Variants in DHX57 observed in about 807,000 individuals in gnomAD.
The protein encoded by DHX57 is DExH-box helicase 57.
In DHX57, 105 loss-of-function variants were observed where a neutral mutation model predicts 156.2. That is an observed-to-expected ratio of 0.67 (90% CI 0.57 to 0.79). The LOEUF is 0.79. DHX57 is among the 30% of genes least tolerant of loss of function. The pLI is 0.00. For synonymous variants in DHX57, 704 were observed against 595.6 expected (o/e 1.18, Z -2.65); for missense variants, 1,847 against 1,661.9 (o/e 1.11, Z -1.94).
rs187431138 is a variant in DHX57, at chr2:38,826,809, C to A, written c.2640-120G>T. 2.7e-5 allele frequency: 29 copies of A among 1,094,232 alleles called. No individual in the cohort carries two copies. The Admixed American group carries it at 7.3e-4, about 28-fold the overall frequency. 67.8% of individuals were successfully genotyped at this position (1,094,232 alleles called of 1,614,324 possible). On this transcript the variant is annotated intron_variant, in intron 14 of 23. Transcript: ENST00000457308. ...TCAGGTATTAGCAACTTCTCCACAA[C>A]CTGTCCTCAGAGCTCAGCTCTTCTA...
At chr2:38,827,484 T>C (rs1346341424) in intron 14 of DHX57, among the ~76,000 whole-genome samples, 1 of 1,096 alleles carries the variant, frequency 9.1e-4, no homozygotes, top group Non-Finnish European at 7.4e-3. Flanking sequence ...AGACTCTGTC[T>C]CAAAAAAAAA....
chr2:38,802,487 C>A (rs1252216724), intron 23 of DHX57, among the ~76,000 whole-genome samples: 2 of 151,978 alleles, frequency 1.3e-5, no homozygotes, highest in Non-Finnish European at 2.9e-5. Context: ...GGGGTTTGAC[C>A]ATGTTGGCCA....
chr2:38,803,123 T>C (rs1669774531), intron 22 of DHX57: 2 of 465,158 alleles, frequency 4.3e-6, no homozygotes, highest in African/African-American at 4.2e-5. Context: ...CACTTGTGTT[T>C]AAAAAAAAAA....
intron 11 of DHX57, among the ~76,000 whole-genome samples, chr2:38,845,612 T>G (rs2124885228): frequency 6.6e-6 from 1 of 152,144 alleles, no homozygotes; most frequent in South Asian, 2.1e-4. Context: ...ACAGCTGAAA[T>G]CACATGAGTC....
chr2:38,806,733 T>C (rs776288238), intron 21 of DHX57, 40 bp from the exon 22 acceptor site: 4 of 1,565,756 alleles, frequency 2.6e-6, no homozygotes, highest in African/African-American at 1.4e-5. Context: ...ATATAATATA[T>C]ATATTCTCAT....
Position 38,841,780 on chromosome 2 carries a change from T to C in DHX57, c.2425+1225A>G, listed in dbSNP as rs577473301. Among the ~76,000 whole-genome samples, 7 of 152,304 alleles carry C rather than the reference T, an allele frequency of 4.6e-5. No individual in the cohort carries two copies. In the South Asian group the frequency reaches 1.2e-3, roughly 27 times the overall value. On this transcript the variant is annotated intron_variant, in intron 12 of 23. Coordinates refer to ENST00000457308, the MANE Select transcript of DHX57 (RefSeq NM_198963.3). The stretch of plus-strand genomic sequence containing the variant: ...AAAAGTAGTGATCCTGGGGTTTCTA[T>C]GGGCTCAGTTTAGCTTATATGGATA...
intron 2 of DHX57, 149 bp from the exon 3 acceptor site, chr2:38,863,668 T>C: frequency 2.6e-6 from 2 of 774,706 alleles, no homozygotes; most frequent in Non-Finnish European, 2.0e-6. Flanking sequence ...TTCTCCATTT[T>C]CTATAGTATT....
chr2:38,850,797 G>T (rs1432515714), intron 9 of DHX57, among the ~76,000 whole-genome samples: 5 of 152,114 alleles, frequency 3.3e-5, no homozygotes, highest in Non-Finnish European at 5.9e-5. Flanking sequence ...TAATTCAGCT[G>T]GGTGTGGTGG....
intron 5 of DHX57, among the ~76,000 whole-genome samples, chr2:38,860,642 G>A (rs921721603): frequency 2.0e-5 from 3 of 152,158 alleles, no homozygotes; most frequent in African/African-American, 7.2e-5. Flanking sequence ...TCATTTGAAA[G>A]TAATTCAGTA....
chr2:38,875,176 G>A (rs955291483), intron 1 of DHX57, among the ~76,000 whole-genome samples: 1 of 152,200 alleles, frequency 6.6e-6, no homozygotes, highest in African/African-American at 2.4e-5. Context: ...ATAGGAATTA[G>A]GTTGTATAAT....
intron 10 of DHX57, among the ~76,000 whole-genome samples, chr2:38,847,507 T>C (rs540910846): frequency 6.6e-6 from 1 of 152,316 alleles, no homozygotes; most frequent in East Asian, 1.9e-4. Context: ...CTTTTTAGTA[T>C]TCAATTGAAG....
At chr2:38,848,448 C>G (rs1490959890) in intron 9 of DHX57, 46 bp from the exon 10 acceptor site, 1 of 1,530,552 alleles carries the variant, frequency 6.5e-7, no homozygotes. Flanking sequence ...AAATTCAACA[C>G]ATGAAAATTA....
intron 20 of DHX57, among the ~76,000 whole-genome samples, chr2:38,814,225 A>C (rs994390222): frequency 9.2e-5 from 14 of 152,242 alleles, no homozygotes; most frequent in African/African-American, 3.4e-4. Flanking sequence ...GGCGTGAGCC[A>C]CTGCGTCTGG....
Position 38,832,701 on chromosome 2 carries a change from A to G in DHX57, c.2543-4265T>C, listed in dbSNP as rs1193940299. Among the ~76,000 whole-genome samples, 3 of 151,506 alleles carry G rather than the reference A, an allele frequency of 2.0e-5. No homozygotes were observed. The East Asian group carries it at 5.9e-4, about 30-fold the overall frequency. The stretch of plus-strand genomic sequence containing the variant: ...GCTGGGATTACAGGTGCCCATCACC[A>G]TGTCTGGCTAATTTTTAGTAGAGAT... On this transcript the variant is annotated intron_variant, in intron 13 of 23. Transcript: ENST00000457308.
At chr2:38,803,582 G>A (rs553236257) in intron 22 of DHX57, among the ~76,000 whole-genome samples, 2 of 151,660 alleles carry the variant, frequency 1.3e-5, no homozygotes, top group Admixed American at 1.3e-4. Context: ...CTGCCCCCTA[G>A]GTTCAAGTGA....
At chr2:38,814,596 T>A (rs1385887888) in intron 20 of DHX57, among the ~76,000 whole-genome samples, 1 of 152,240 alleles carries the variant, frequency 6.6e-6, no homozygotes, top group Non-Finnish European at 1.5e-5. Flanking sequence ...AAAAGCTGTC[T>A]TTTGTTAGAA....
chr2:38,864,940 T>C (rs1664987912), intron 2 of DHX57, among the ~76,000 whole-genome samples: 1 of 152,172 alleles, frequency 6.6e-6, no homozygotes, highest in African/African-American at 2.4e-5. Context: ...ACATTTTCCT[T>C]GACCTACCAG....
At chr2:38,835,156 T>C (rs573393198) in intron 13 of DHX57, among the ~76,000 whole-genome samples, 2 of 151,974 alleles carry the variant, frequency 1.3e-5, no homozygotes, top group South Asian at 4.1e-4. Flanking sequence ...TGAGGAGAAA[T>C]GTATCTGCCT....
chr2:38,821,458 G>A (rs1156680274), intron 17 of DHX57, among the ~76,000 whole-genome samples: 1 of 152,160 alleles, frequency 6.6e-6, no homozygotes, highest in Non-Finnish European at 1.5e-5. Flanking sequence ...CACTTTGGGA[G>A]GCTGAGGCAG....
Sources: allele counts gnomAD v4.1 joint callset (sites outside exome capture counted in the v4.1 genomes callset), GRCh38; gene constraint gnomAD v4.1.1; transcripts MANE v1.5; gene names NCBI Gene and HGNC (gene_info 2026-07-23, HGNC 2026-07-21).